Variants in DYNC1H1 observed in about 807,000 individuals in gnomAD.
DYNC1H1 encodes cytoplasmic dynein 1 heavy chain 1.
A neutral mutation model predicts 527.1 loss-of-function variants in DYNC1H1; 51 were observed. That is an observed-to-expected ratio of 0.10 (90% CI 0.08 to 0.12). DYNC1H1 has a LOEUF of 0.12. Ranked by LOEUF, DYNC1H1 falls within the 10% of genes least tolerant of loss-of-function variation. DYNC1H1 has a pLI of 1.00. For synonymous variants in DYNC1H1, 2,189 were observed against 2,278.8 expected, an observed-to-expected ratio of 0.96 and a Z score of 1.12; for missense variants, 2,771 against 5,971.8, an observed-to-expected ratio of 0.46 and a Z score of 17.66.
At chr14:102,007,400 A>C (rs1054078166) in intron 28 of DYNC1H1, among the ~76,000 whole-genome samples, 3 of 152,208 alleles carry the variant, frequency 2.0e-5, no homozygotes, top group Non-Finnish European at 2.9e-5. Flanking sequence ...TCTTGGAATA[A>C]GCACATTATG....
chr14:102,021,656 C>CTTTTTTTTTTTT (rs757880988), intron 42 of DYNC1H1, among the ~76,000 whole-genome samples: 3 of 119,832 alleles, frequency 2.5e-5, no homozygotes, highest in South Asian at 2.8e-4. Context: ...TTTTCTTTTT[C>CTTTTTTTTTTTT]TTTTTTTTTT....
intron 29 of DYNC1H1, among the ~76,000 whole-genome samples, chr14:102,009,064 G>A (rs1308513326): frequency 6.6e-6 from 1 of 152,150 alleles, no homozygotes; most frequent in Non-Finnish European, 1.5e-5. Flanking sequence ...CCAGTGTTCT[G>A]CCATCTGTCT....
chr14:102,044,999 C>A lies in DYNC1H1; in HGVS notation c.13006+301C>A. On this transcript the variant is annotated intron_variant, in intron 72 of 77. Transcript: ENST00000360184. This position sits in a 1 kb window ranked among gnomAD's most constrained non-coding sequence, Gnocchi z 7.1. Reference sequence around the variant, plus strand: ...CTAGAAATAACATTTAGATGTTCATCTCATATTGAAAAGCAGTTACTGGCT... The same window carrying A: ...CTAGAAATAACATTTAGATGTTCATATCATATTGAAAAGCAGTTACTGGCT... The A allele has an allele frequency of 2.3e-6, 1 of 442,436 alleles. No individual in the cohort carries two copies. Among genetic ancestry groups the A allele is most frequent in the South Asian group, 2.2e-5 (1 of 45,306 alleles). The allele number at this position is 442,436 out of a possible 1,614,324, so 27.4% of individuals were successfully genotyped here.
intron 73 of DYNC1H1, 47 bp downstream of exon 73, chr14:102,048,075 C>CT: frequency 6.4e-7 from 1 of 1,573,226 alleles, no homozygotes; most frequent in Non-Finnish European, 8.6e-7. Context: ...GTCCCAGGTG[C>CT]TGGGTATGGT....
chr14:101,965,166 C>T lies in DYNC1H1; in HGVS notation c.256+219C>T, dbSNP rs993372802. The stretch of plus-strand genomic sequence containing the variant: ...GGCCGGCGCGGCGCCCGGGGCTCGC[C>T]CTCGCCACACCCACTGCCCGGCCCG... On this transcript the variant is annotated intron_variant, in intron 1 of 77. Coordinates refer to ENST00000360184, the MANE Select transcript of DYNC1H1 (RefSeq NM_001376.5). This position sits in a 1 kb window ranked among gnomAD's most constrained non-coding sequence, Gnocchi z 4.1. Among the ~76,000 whole-genome samples the T allele has an allele frequency of 6.6e-6, 1 of 151,926 alleles. No individual in the cohort carries two copies. The highest frequency in any genetic ancestry group is 6.6e-5 in the Admixed American group (1 of 15,254).
At chr14:102,047,639 G>GTACATATA (rs1287359925) in intron 72 of DYNC1H1, 178 bp from the exon 73 acceptor site, 2 of 351,998 alleles carry the variant, frequency 5.7e-6, no homozygotes, top group Admixed American at 4.5e-5. Flanking sequence ...GTGTGTGTGT[G>GTACATATA]TGTATATATA....
At chr14:101,978,308 A>G (rs947031152) in intron 2 of DYNC1H1, among the ~76,000 whole-genome samples, 13 of 152,152 alleles carry the variant, frequency 8.5e-5, no homozygotes, top group African/African-American at 3.1e-4. Flanking sequence ...AAGTGCTGGG[A>G]TTGCAGGTGT....
intron 72 of DYNC1H1, chr14:102,045,302 CA>C (rs34968643): frequency 0.1 from 8,837 of 87,532 alleles, 231 homozygotes; most frequent in South Asian, 0.21. Flanking sequence ...GACTCTGTCT[CA>C]AAAAAAAAAA....
rs994736350 is a variant in DYNC1H1, at chr14:102,015,410, C to T, written c.7242+78C>T. 7 of 1,473,136 alleles carry T rather than the reference C, an allele frequency of 4.8e-6. No homozygotes were observed. The highest frequency in any genetic ancestry group is 2.6e-5 in the South Asian group (2 of 75,802). 91.3% of individuals were successfully genotyped at this position (1,473,136 alleles called of 1,614,324 possible). ...AGATGTGGTCTCGCTGTGTTGCCCA[C>T]GCTGGTCTTGAACTCCTGGGCCCAA... On this transcript the variant is annotated intron_variant, in intron 35 of 77. Transcript: ENST00000360184. This position sits in a 1 kb window ranked among gnomAD's most constrained non-coding sequence, Gnocchi z 6.9.
In DYNC1H1 at chr14:102,010,182, T is replaced by A; in HGVS notation, c.6222-94T>A. The A allele has an allele frequency of 6.2e-7, 1 of 1,612,314 alleles. No homozygotes were observed. Among genetic ancestry groups the A allele is most frequent in the Non-Finnish European group, 8.5e-7 (1 of 1,179,156 alleles). ...TTTTATATGTAATGATGGTACGTCT[T>A]TCAAAATATCCATCTCTGGTTTCTT... On this transcript the variant is annotated intron_variant, in intron 30 of 77. Coordinates refer to ENST00000360184, the MANE Select transcript of DYNC1H1 (RefSeq NM_001376.5). This position sits in a 1 kb window ranked among gnomAD's most constrained non-coding sequence, Gnocchi z 6.0.
At chr14:102,023,978 A>T (rs1241364957) in intron 43 of DYNC1H1, among the ~76,000 whole-genome samples, 1 of 152,216 alleles carries the variant, frequency 6.6e-6, no homozygotes, top group Non-Finnish European at 1.5e-5. Flanking sequence ...TACAGCAGTG[A>T]TGTGCTACGG....
rs986026826 is a variant in DYNC1H1 at position 102,036,158 on chromosome 14, C to T, written c.10755-331C>T. The T allele has an allele frequency of 5.5e-5, 19 of 348,130 alleles. No homozygotes were observed. Among genetic ancestry groups the T allele is most frequent in the Admixed American group, 8.2e-5 (2 of 24,334 alleles). The allele number at this position is 348,130 out of a possible 1,614,324, so 21.6% of individuals were successfully genotyped here. A position where few individuals can be genotyped will look rare whatever the true frequency, so the allele number is the denominator to read the frequency against. On this transcript the variant is annotated intron_variant, in intron 56 of 77. Transcript: ENST00000360184. This position sits in a 1 kb window ranked among gnomAD's most constrained non-coding sequence, Gnocchi z 5.6. ...CATCATTGATGTTGATACGTGCTGT[C>T]TAGAAGGATCGTAAACATGAAAAAG...
Position 101,979,463 on chromosome 14 carries a change from C to T in DYNC1H1, c.489C>T (p.Ser163=), listed in dbSNP as rs1240175750. The T allele has an allele frequency of 6.2e-6, 10 of 1,613,904 alleles. No homozygotes were observed. Among genetic ancestry groups the T allele is most frequent in the Non-Finnish European group, 8.5e-6 (10 of 1,180,024 alleles). ...ISNAVAPFFK[S]YIRESGKADR... ...ATGCAGTGGCTCCTTTTTTTAAGTC[C>T]TACATTAGAGAGTCTGGCAAGGCAG... The change falls in exon 3 of 78, where the codon TCC becomes TCT. Residue 163 remains serine (S), a synonymous_variant. Transcript: ENST00000360184. This position sits in a 1 kb window ranked among gnomAD's most constrained non-coding sequence, Gnocchi z 4.6.
At chr14:101,974,410 T>C (rs955564637) in intron 1 of DYNC1H1, among the ~76,000 whole-genome samples, 2 of 152,206 alleles carry the variant, frequency 1.3e-5, no homozygotes, top group African/African-American at 2.4e-5. Context: ...TCCCTTTCTA[T>C]TACATCATGA....
At position 101,979,621 on chromosome 14, in the gene DYNC1H1, A is replaced by G. The variant is rs1164821719; in HGVS notation, c.519-98A>G. 9 of 1,607,108 alleles carry G rather than the reference A, an allele frequency of 5.6e-6. No individual in the cohort carries two copies. The highest frequency in any genetic ancestry group is 7.7e-6 in the Non-Finnish European group (9 of 1,175,870). On this transcript the variant is annotated intron_variant, in intron 3 of 77. Transcript: ENST00000360184. This position sits in a 1 kb window ranked among gnomAD's most constrained non-coding sequence, Gnocchi z 4.6. ...GGGGATATAAACCCTGTGTATTAAT[A>G]AATATGTGTGTCATTACTATTTGAC... is the stretch of plus-strand genomic sequence containing the variant.
Position 101,964,815 on chromosome 14 carries a change from C to T in DYNC1H1, c.124C>T (p.Leu42=), listed in dbSNP as rs756874444. Residue 42 remains leucine, a synonymous_variant, in exon 1 of 78, where the codon CTG becomes TTG. Coordinates refer to ENST00000360184, the MANE Select transcript of DYNC1H1 (RefSeq NM_001376.5). This position sits in a 1 kb window ranked among gnomAD's most constrained non-coding sequence, Gnocchi z 5.5. ...KHLRKLVPLL[L]EDGGEAPAAL... is the part of the protein sequence containing the mutation. Reference sequence around the variant, plus strand: ...CCTGCGCAAGCTGGTGCCGCTGCTGCTGGAGGACGGCGGCGAGGCGCCGGC... The same window carrying T: ...CCTGCGCAAGCTGGTGCCGCTGCTGTTGGAGGACGGCGGCGAGGCGCCGGC... The T allele has an allele frequency of 2.5e-6, 4 of 1,604,386 alleles. No homozygotes were observed. In the South Asian group the frequency reaches 3.3e-5, roughly 13 times the overall value.
intron 63 of DYNC1H1, 86 bp downstream of exon 63, chr14:102,040,496 G>T: frequency 6.2e-7 from 1 of 1,612,698 alleles, no homozygotes. Flanking sequence ...ATAAAACCCA[G>T]AATGTTGTGT....
At chr14:102,009,539 A>G (rs1394520779) in intron 29 of DYNC1H1, 4 of 344,874 alleles carry the variant, frequency 1.2e-5, no homozygotes, top group Non-Finnish European at 2.1e-5. Context: ...GTTGGACTGC[A>G]TCTCTATCTC....
At position 102,017,681 on chromosome 14, in the gene DYNC1H1, C is replaced by T. The variant is rs2048339260; in HGVS notation, c.8177+177C>T. On this transcript the variant is annotated intron_variant, in intron 40 of 77. Transcript: ENST00000360184. This position sits in a 1 kb window ranked among gnomAD's most constrained non-coding sequence, Gnocchi z 4.6. ...CAGGAAAACATGTTAAAAATAAAAG[C>T]ATTGGCCGGGCGCAGTGGCTTACGC... The T allele has an allele frequency of 1.6e-6, 2 of 1,275,926 alleles. No homozygotes were observed. Among genetic ancestry groups the T allele is most frequent in the African/African-American group, 1.5e-5 (1 of 67,398 alleles). 79.0% of individuals were successfully genotyped at this position (1,275,926 alleles called of 1,614,324 possible).
Sources: allele counts gnomAD v4.1 joint callset (sites outside exome capture counted in the v4.1 genomes callset), GRCh38; gene constraint gnomAD v4.1.1; non-coding constraint Gnocchi (gnomAD v3.1); transcripts MANE v1.5; gene names NCBI Gene and HGNC (gene_info 2026-07-23, HGNC 2026-07-21).